IGF2BP3: variants seen among roughly 807,000 people sequenced by gnomAD.
IGF2BP3 encodes insulin like growth factor 2 mRNA binding protein 3, also known as insulin-like growth factor 2 mRNA-binding protein 3.
In IGF2BP3, 9 loss-of-function variants were observed where a neutral mutation model predicts 73.8. The observed-to-expected ratio is 0.12, with a 90% CI of 0.07 to 0.21. IGF2BP3 has a LOEUF of 0.21. Among genes scored for constraint, IGF2BP3 ranks in the 10% least tolerant of loss-of-function variants. The pLI, the probability that IGF2BP3 is intolerant of heterozygous loss-of-function variation, is 1.00. For synonymous variants in IGF2BP3, 258 were observed against 256.7 expected, an observed-to-expected ratio of 1.01 and a Z score of -0.05; for missense variants, 542 against 714.0, an observed-to-expected ratio of 0.76 and a Z score of 2.75.
At chr7:23,315,206 C>G (rs1377740416) in intron 12 of IGF2BP3, among the ~76,000 whole-genome samples, 1 of 151,910 alleles carries the variant, frequency 6.6e-6, no homozygotes, top group East Asian at 1.9e-4. Flanking sequence ...CTCCTGGGTT[C>G]AAGTGACTCT....
chr7:23,321,412 G>A (rs982478261), intron 10 of IGF2BP3, among the ~76,000 whole-genome samples: 11 of 152,210 alleles, frequency 7.2e-5, no homozygotes, highest in Middle Eastern at 3.2e-3. Flanking sequence ...CACCTGGCTC[G>A]GAGGGTCGTA....
chr7:23,324,907 T>C (rs2128494760), intron 10 of IGF2BP3, among the ~76,000 whole-genome samples: 2 of 139,348 alleles, frequency 1.4e-5, no homozygotes, highest in East Asian at 2.1e-4. Context: ...AATTAGGTAT[T>C]GATGGGACGT....
chr7:23,387,963 G>A (rs1161974013), intron 3 of IGF2BP3, among the ~76,000 whole-genome samples: 4 of 151,976 alleles, frequency 2.6e-5, no homozygotes, highest in Admixed American at 1.3e-4. Context: ...TTGAGATGGA[G>A]TCTCGCTCTG....
intron 3 of IGF2BP3, among the ~76,000 whole-genome samples, chr7:23,388,089 C>T (rs1011109889): frequency 2.0e-5 from 3 of 151,800 alleles, no homozygotes; most frequent in East Asian, 3.9e-4. Flanking sequence ...TACAGGTGCC[C>T]GACACCACGC....
At chr7:23,378,975 A>G (rs1012027260) in intron 3 of IGF2BP3, among the ~76,000 whole-genome samples, 1 of 152,170 alleles carries the variant, frequency 6.6e-6, no homozygotes, top group Non-Finnish European at 1.5e-5. Context: ...AGAGGAAAAA[A>G]AGATGCTTAC....
chr7:23,396,925 G>A (rs1003092912), intron 3 of IGF2BP3, among the ~76,000 whole-genome samples: 2 of 152,100 alleles, frequency 1.3e-5, no homozygotes, highest in African/African-American at 2.4e-5. Flanking sequence ...ACCCTGAAAG[G>A]ACTTTTTTTT....
intron 3 of IGF2BP3, among the ~76,000 whole-genome samples, chr7:23,379,608 T>C (rs1203935037): frequency 1.3e-5 from 2 of 152,224 alleles, no homozygotes; most frequent in Non-Finnish European, 2.9e-5. Context: ...GCAAATCTTT[T>C]AGGAAATCAA....
At chr7:23,338,214 A>G (rs116438145) in intron 10 of IGF2BP3, among the ~76,000 whole-genome samples, 2 of 152,142 alleles carry the variant, frequency 1.3e-5, no homozygotes, top group African/African-American at 4.8e-5. Flanking sequence ...TCTTCAAAGC[A>G]TAGAACAAGG....
intron 3 of IGF2BP3, among the ~76,000 whole-genome samples, chr7:23,407,057 G>A (rs1163982476): frequency 6.6e-6 from 1 of 151,654 alleles, no homozygotes; most frequent in African/African-American, 2.4e-5. Flanking sequence ...TTTTAAGAGA[G>A]AGAACACAAA....
chr7:23,407,055 G>C (rs894951405), intron 3 of IGF2BP3, among the ~76,000 whole-genome samples: 1 of 151,754 alleles, frequency 6.6e-6, no homozygotes, highest in African/African-American at 2.4e-5. Flanking sequence ...GATTTTAAGA[G>C]AGAGAACACA....
chr7:23,438,892 A>G (rs781188357), intron 2 of IGF2BP3, among the ~76,000 whole-genome samples: 4 of 152,158 alleles, frequency 2.6e-5, no homozygotes, highest in Non-Finnish European at 4.4e-5. Flanking sequence ...TAACGATTCT[A>G]CTTTCCACCA....
At chr7:23,367,350 T>C (rs1348136301) in intron 3 of IGF2BP3, among the ~76,000 whole-genome samples, 2 of 151,934 alleles carry the variant, frequency 1.3e-5, no homozygotes, top group Non-Finnish European at 2.9e-5. Flanking sequence ...AAGCTACTTA[T>C]GCACCTGTTT....
In IGF2BP3 at chr7:23,441,471, G is replaced by A. The variant is rs548772880; in HGVS notation, c.237-22647C>T. On this transcript the variant is annotated intron_variant, in intron 2 of 14. Coordinates refer to ENST00000258729, the MANE Select transcript of IGF2BP3 (RefSeq NM_006547.3). ...GCCTGTAGTTCCAGCTACTTGGGAG[G>A]CTGAGGCAGGAGAATCGCTTGAACC... 2.7e-4 allele frequency among the ~76,000 whole-genome samples: 41 copies of A among 151,480 alleles called. No homozygotes were observed. In the South Asian group the frequency reaches 8.3e-3, roughly 31 times the overall value.
chr7:23,418,648 G>A (rs1000779067), intron 3 of IGF2BP3, 128 bp downstream of exon 3: 21 of 545,168 alleles, frequency 3.9e-5, no homozygotes, highest in African/African-American at 5.7e-5. Flanking sequence ...ACCAAGGCAC[G>A]GGTCATAGGA....
Position 23,312,856 on chromosome 7 carries a change from A to G in IGF2BP3, c.1528-8T>C. ...ATTCTGAAGTTCATTCACCTGAAAG[A>G]GATAAATATAAATCACATTAAGTGG... On this transcript the variant is annotated splice_polypyrimidine_tract_variant and splice_region_variant and intron_variant, in intron 13 of 14. Coordinates refer to ENST00000258729, the MANE Select transcript of IGF2BP3 (RefSeq NM_006547.3). 1 of 1,574,178 alleles carries G rather than the reference A, an allele frequency of 6.4e-7. No homozygotes were observed. The highest frequency in any genetic ancestry group is 8.7e-7 in the Non-Finnish European group (1 of 1,152,064).
At chr7:23,406,593 C>G (rs1562732587) in intron 3 of IGF2BP3, among the ~76,000 whole-genome samples, 1 of 152,020 alleles carries the variant, frequency 6.6e-6, no homozygotes, top group Non-Finnish European at 1.5e-5. Flanking sequence ...AGTGTGGACC[C>G]AAAGAGTGAG....
At chr7:23,448,465 G>A (rs143134104) in intron 2 of IGF2BP3, among the ~76,000 whole-genome samples, 160 of 152,190 alleles carry the variant, frequency 1.1e-3, no homozygotes, top group African/African-American at 3.5e-3. Context: ...GCTGGAGGGC[G>A]TAGCACAACC....
At chr7:23,329,402 A>G (rs1303740650) in intron 10 of IGF2BP3, among the ~76,000 whole-genome samples, 2 of 152,188 alleles carry the variant, frequency 1.3e-5, no homozygotes, top group African/African-American at 4.8e-5. Flanking sequence ...TCCAACTTCA[A>G]TGTTTCAATA....
At chr7:23,365,373 T>C (rs1326224942) in intron 3 of IGF2BP3, among the ~76,000 whole-genome samples, 1 of 152,226 alleles carries the variant, frequency 6.6e-6, no homozygotes, top group Admixed American at 6.5e-5. Flanking sequence ...GATTACCTTA[T>C]GCCACCTTAA....
Sources: gnomAD v4.1 joint callset for allele counts (sites outside exome capture counted in the v4.1 genomes callset) on GRCh38, gnomAD v4.1.1 for gene constraint, MANE v1.5 for transcripts, NCBI Gene and HGNC (gene_info 2026-07-23, HGNC 2026-07-21) for gene names.